IFT25: variants seen among roughly 807,000 people sequenced by gnomAD.
IFT25 encodes intraflagellar transport protein 25 homolog.
chr1:53,940,153 G>C, the IFT25 span: 4 of 888,778 alleles, frequency 4.5e-6, no homozygotes, highest in African/African-American at 6.8e-5. Flanking sequence ...AACTTTATCT[G>C]AGAAAACGAA....
the IFT25 span, among the ~76,000 whole-genome samples, chr1:53,919,167 C>T: frequency 2.0e-5 from 3 of 152,066 alleles, no homozygotes; most frequent in Non-Finnish European, 2.9e-5. Context: ...TGTATTCATG[C>T]CCTTGGGCAG....
At chr1:53,942,551 A>G in the IFT25 span, among the ~76,000 whole-genome samples, 26 of 152,312 alleles carry the variant, frequency 1.7e-4, no homozygotes, top group African/African-American at 5.1e-4. Flanking sequence ...AATATTTACT[A>G]TTTGGCCCTT....
the IFT25 span, among the ~76,000 whole-genome samples, chr1:53,943,772 C>T: frequency 7.9e-5 from 12 of 151,984 alleles, no homozygotes; most frequent in African/African-American, 2.7e-4. Context: ...TACAGGCATG[C>T]ACCACCACGG....
At chr1:53,930,906 C>A in the IFT25 span, among the ~76,000 whole-genome samples, 13 of 152,286 alleles carry the variant, frequency 8.5e-5, no homozygotes, top group Admixed American at 6.5e-4. Context: ...GTTTTGACTA[C>A]AGAAATAATC....
At chr1:53,938,845 C>T in the IFT25 span, among the ~76,000 whole-genome samples, 5 of 152,004 alleles carry the variant, frequency 3.3e-5, no homozygotes, top group Non-Finnish European at 7.4e-5. Context: ...GAGGCCAAGG[C>T]GGGCGAATCA....
the IFT25 span, among the ~76,000 whole-genome samples, chr1:53,932,826 A>C: frequency 6.6e-6 from 1 of 152,200 alleles, no homozygotes; most frequent in Non-Finnish European, 1.5e-5. Flanking sequence ...ATGGCCTCCC[A>C]AAGTGCTGGG....
chr1:53,930,563 T>G, the IFT25 span, among the ~76,000 whole-genome samples: 1 of 152,200 alleles, frequency 6.6e-6, no homozygotes, highest in African/African-American at 2.4e-5. Context: ...GGTTTTTTTT[T>G]TACCTGAAAA....
the IFT25 span, among the ~76,000 whole-genome samples, chr1:53,933,972 T>C: frequency 6.6e-6 from 1 of 152,208 alleles, no homozygotes; most frequent in Non-Finnish European, 1.5e-5. Flanking sequence ...GCCATTGTTG[T>C]CATATATTTT....
chr1:53,934,462 G>A, the IFT25 span, among the ~76,000 whole-genome samples: 1 of 152,022 alleles, frequency 6.6e-6, no homozygotes, highest in Non-Finnish European at 1.5e-5. Flanking sequence ...TCAGCAGTTT[G>A]ACTAAGATAC....
At chr1:53,925,843 A>G in the IFT25 span, among the ~76,000 whole-genome samples, 15 of 151,590 alleles carry the variant, frequency 9.9e-5, no homozygotes, top group African/African-American at 2.9e-4. Flanking sequence ...GCTCACTCCT[A>G]TAATACCAGC....
the IFT25 span, among the ~76,000 whole-genome samples, chr1:53,919,450 T>TA: frequency 6.6e-6 from 1 of 152,176 alleles, no homozygotes; most frequent in Non-Finnish European, 1.5e-5. Flanking sequence ...CCTAGATCCC[T>TA]AACCTGCAAA....
chr1:53,925,287 ATT>A, the IFT25 span, among the ~76,000 whole-genome samples: 1 of 152,072 alleles, frequency 6.6e-6, no homozygotes, highest in Non-Finnish European at 1.5e-5. Context: ...TTATAATGAT[ATT>A]TTCTTTCTTG....
At chr1:53,926,331 G>A in the IFT25 span, among the ~76,000 whole-genome samples, 1 of 151,952 alleles carries the variant, frequency 6.6e-6, no homozygotes, top group Non-Finnish European at 1.5e-5. Context: ...TATATTTTTT[G>A]TAGAGACAAG....
At chr1:53,943,694 G>A in the IFT25 span, among the ~76,000 whole-genome samples, 4 of 152,002 alleles carry the variant, frequency 2.6e-5, no homozygotes, top group South Asian at 2.1e-4. Context: ...CTCGATCTCG[G>A]CTAACTGCAA....
At chr1:53,932,876 T>C in the IFT25 span, among the ~76,000 whole-genome samples, 1 of 152,128 alleles carries the variant, frequency 6.6e-6, no homozygotes, top group South Asian at 2.1e-4. Flanking sequence ...CATCAATACA[T>C]TCTTGTTCCA....
chr1:53,932,352 G>T, the IFT25 span, among the ~76,000 whole-genome samples: 1 of 150,928 alleles, frequency 6.6e-6, no homozygotes, highest in Admixed American at 6.6e-5. Context: ...AAAAAAGAAA[G>T]ATTTTCTAAG....
At chr1:53,939,725 GT>G in the IFT25 span, 1 of 384,828 alleles carries the variant, frequency 2.6e-6, no homozygotes, top group Non-Finnish European at 4.6e-6. Context: ...AGTTGTTTGA[GT>G]TTTTGCCTTG....
At chr1:53,942,577 C>T in the IFT25 span, among the ~76,000 whole-genome samples, 1 of 152,148 alleles carries the variant, frequency 6.6e-6, no homozygotes, top group Non-Finnish European at 1.5e-5. Context: ...AAAAGTTTGC[C>T]AACCTCTGAT....
At chr1:53,913,611 A>G in the IFT25 span, among the ~76,000 whole-genome samples, 1,723 of 152,236 alleles carry the variant, frequency 0.011, 11 homozygotes, top group Non-Finnish European at 0.018. Flanking sequence ...CCCTTCAGTT[A>G]CACTCCCTTT....
Sources: gnomAD v4.1 joint callset for allele counts (sites outside exome capture counted in the v4.1 genomes callset) on GRCh38, gnomAD v4.1.1 for gene constraint, MANE v1.5 for transcripts, NCBI Gene and HGNC (gene_info 2026-07-23, HGNC 2026-07-21) for gene names.